SDK1: variants seen among roughly 807,000 people sequenced by gnomAD.
The protein encoded by SDK1 is sidekick cell adhesion molecule 1.
SDK1 carries 157 observed loss-of-function variants against 245.5 expected under a neutral mutation model. The observed-to-expected ratio is 0.64, with a 90% CI of 0.56 to 0.73. SDK1 has a LOEUF of 0.73. SDK1 is among the 30% of genes least tolerant of loss of function. The pLI, the probability that SDK1 is intolerant of heterozygous loss-of-function variation, is 0.00. For missense variants in SDK1, 3,583 were observed against 3,002.3 expected (o/e 1.19, Z -4.52); for synonymous variants, 1,647 against 1,278.5 (o/e 1.29, Z -6.15).
intron 22 of SDK1, among the ~76,000 whole-genome samples, chr7:4,082,148 G>A (rs1027045756): frequency 5.9e-5 from 9 of 152,118 alleles, no homozygotes; most frequent in Non-Finnish European, 8.8e-5. Context: ...ACCTGAGGAG[G>A]GGGCGTCTGG....
intron 22 of SDK1, among the ~76,000 whole-genome samples, chr7:4,101,226 C>G (rs969948158): frequency 1.3e-5 from 2 of 151,220 alleles, no homozygotes; most frequent in African/African-American, 4.9e-5. Flanking sequence ...TCGGCAAGCT[C>G]CGCCTCCCGG....
chr7:3,931,867 A>C (rs1392513652), intron 5 of SDK1, among the ~76,000 whole-genome samples: 2 of 152,206 alleles, frequency 1.3e-5, no homozygotes, highest in Non-Finnish European at 2.9e-5. Flanking sequence ...GTTTGGTAGA[A>C]GTGCCTATTG....
rs1161704003 is a variant in SDK1, at chr7:3,442,278, A to G, written c.298+140394A>G. 5.9e-5 allele frequency among the ~76,000 whole-genome samples: 9 copies of G among 152,298 alleles called. No homozygotes were observed. The East Asian group carries it at 1.7e-3, about 29-fold the overall frequency. On this transcript the variant is annotated intron_variant, in intron 1 of 44. Coordinates refer to ENST00000404826, the MANE Select transcript of SDK1 (RefSeq NM_152744.4). ...TCATGTTAAAGCTCCGCATTTTTCT[A>G]AAGGAGTATTGATTATAGTAAGGAA...
In SDK1 at chr7:3,516,118, C is replaced by CTTT. The variant is rs11371619; in HGVS notation, c.299-102951_299-102949dup. The stretch of plus-strand genomic sequence containing the variant: ...TGTTCTTTAATTCAGAAGATATTTT[C>CTTT]TTTTTTTTTTTTTGGTATACTCAAA... On this transcript the variant is annotated intron_variant, in intron 1 of 44. Transcript: ENST00000404826. Among the ~76,000 whole-genome samples the CTTT allele has an allele frequency of 4.6e-4, 65 of 140,008 alleles. No homozygotes were observed. In the East Asian group the frequency reaches 9.8e-3, roughly 21 times the overall value. The allele number at this position is 140,008 out of a possible 152,430, so 91.9% of individuals were successfully genotyped here. A position where few individuals can be genotyped will look rare whatever the true frequency, so the allele number is the denominator to read the frequency against.
At chr7:3,400,726 A>G (rs4579416) in intron 1 of SDK1, among the ~76,000 whole-genome samples, 8,584 of 152,250 alleles carry the variant, frequency 0.056, 754 homozygotes, top group African/African-American at 0.19. Flanking sequence ...TGGTGGGTTC[A>G]TGGATTCTTA....
At chr7:3,926,741 G>T (rs545694038) in intron 5 of SDK1, among the ~76,000 whole-genome samples, 1 of 152,170 alleles carries the variant, frequency 6.6e-6, no homozygotes, top group Admixed American at 6.5e-5. Flanking sequence ...CACTTTCTAC[G>T]ACTCCGTAAG....
At chr7:4,194,312 ACATATAT>A (rs1562415686) in intron 35 of SDK1, among the ~76,000 whole-genome samples, 4 of 97,808 alleles carry the variant, frequency 4.1e-5, no homozygotes, top group Non-Finnish European at 6.7e-5. Context: ...ATACATGTAT[ACATATAT>A]GTATGCACGT....
intron 4 of SDK1, among the ~76,000 whole-genome samples, chr7:3,689,735 G>A (rs189270201): frequency 6.1e-4 from 93 of 152,166 alleles, no homozygotes; most frequent in East Asian, 5.6e-3. Flanking sequence ...CTTTTGCTCC[G>A]TTCCTACTAC....
chr7:4,037,744 T>A (rs1217952413), intron 17 of SDK1, among the ~76,000 whole-genome samples: 1 of 152,196 alleles, frequency 6.6e-6, no homozygotes, highest in Non-Finnish European at 1.5e-5. Context: ...TCTGATAACA[T>A]CACTTAATGA....
At chr7:3,451,747 A>G (rs950279757) in intron 1 of SDK1, among the ~76,000 whole-genome samples, 9 of 152,194 alleles carry the variant, frequency 5.9e-5, no homozygotes, top group Non-Finnish European at 2.9e-5. Flanking sequence ...CTGCGTGATC[A>G]CTTTCCATTT....
At chr7:3,330,026 A>G (rs981646435) in intron 1 of SDK1, among the ~76,000 whole-genome samples, 18 of 152,208 alleles carry the variant, frequency 1.2e-4, no homozygotes, top group Admixed American at 1.2e-3. Flanking sequence ...GTAGATGTCT[A>G]TACTTCATTC....
chr7:3,356,864 T>C (rs1356231957), intron 1 of SDK1, among the ~76,000 whole-genome samples: 1 of 151,958 alleles, frequency 6.6e-6, no homozygotes, highest in Non-Finnish European at 1.5e-5. Context: ...AAGACCAGCC[T>C]GACCAACATG....
chr7:4,138,767 G>A (rs687401), intron 28 of SDK1, among the ~76,000 whole-genome samples: 107,412 of 148,410 alleles, frequency 0.72, 39,099 homozygotes, highest in East Asian at 0.89. Flanking sequence ...AAAAGAGAGA[G>A]AAAGAAAGAA....
intron 4 of SDK1, among the ~76,000 whole-genome samples, chr7:3,749,539 T>C (rs567904083): frequency 6.6e-6 from 1 of 152,306 alleles, no homozygotes; most frequent in East Asian, 1.9e-4. Flanking sequence ...GACCTCGTGA[T>C]CCGCCCGCCT....
intron 1 of SDK1, among the ~76,000 whole-genome samples, chr7:3,612,662 G>A (rs780514330): frequency 6.6e-6 from 1 of 152,168 alleles, no homozygotes; most frequent in Non-Finnish European, 1.5e-5. Context: ...GTTTGAATTT[G>A]ATATAAAAGA....
intron 1 of SDK1, among the ~76,000 whole-genome samples, chr7:3,571,505 G>T (rs1005057398): frequency 2.0e-5 from 3 of 151,864 alleles, no homozygotes; most frequent in African/African-American, 7.2e-5. Flanking sequence ...GGGTCTTGCT[G>T]TGTTGCCCAA....
intron 1 of SDK1, among the ~76,000 whole-genome samples, chr7:3,392,961 A>ATTTTTTTTTTTTTT (rs572782966): frequency 5.7e-5 from 5 of 87,124 alleles, no homozygotes; most frequent in Admixed American, 1.4e-4. Flanking sequence ...CCTGTTTTAA[A>ATTTTTTTTTTTTTT]TTTTTTTTTT....
chr7:3,744,713 G>C (rs1779568557), intron 4 of SDK1, among the ~76,000 whole-genome samples: 1 of 152,180 alleles, frequency 6.6e-6, no homozygotes, highest in East Asian at 1.9e-4. Flanking sequence ...TCGGGAGGCT[G>C]AGGCAGGAGA....
intron 1 of SDK1, among the ~76,000 whole-genome samples, chr7:3,353,076 T>C (rs2128558633): frequency 6.6e-6 from 1 of 152,328 alleles, no homozygotes; most frequent in South Asian, 2.1e-4. Flanking sequence ...TTCTATATTA[T>C]CCCAATTTAG....
Sources: gnomAD v4.1 joint callset for allele counts (sites outside exome capture counted in the v4.1 genomes callset) on GRCh38, gnomAD v4.1.1 for gene constraint, MANE v1.5 for transcripts, NCBI Gene and HGNC (gene_info 2026-07-23, HGNC 2026-07-21) for gene names.